Variants in KCNJ6 observed in about 807,000 individuals in gnomAD.
The protein encoded by KCNJ6 is G protein-activated inward rectifier potassium channel 2.
KCNJ6 carries 9 observed loss-of-function variants against 34.2 expected under a neutral mutation model. That is an observed-to-expected ratio of 0.26 (90% CI 0.16 to 0.46). The LOEUF (loss-of-function observed/expected upper bound fraction) is 0.46. Among genes scored for constraint, KCNJ6 ranks in the 20% least tolerant of loss-of-function variants. The probability of loss-of-function intolerance (pLI) is 1.00; values close to 1 mark genes in which losing one functional copy is unlikely to be tolerated. For missense variants in KCNJ6, 236 were observed against 531.3 expected (o/e 0.44, Z 5.46); for synonymous variants, 196 against 207.1 (o/e 0.95, Z 0.46).
chr21:37,781,195 G>A (rs531583901), intron 2 of KCNJ6, among the ~76,000 whole-genome samples: 2 of 152,320 alleles, frequency 1.3e-5, no homozygotes, highest in African/African-American at 2.4e-5. Context: ...GAGTCATGAC[G>A]GAAGCTTCTT....
chr21:37,889,924 C>T (rs1187749858), intron 1 of KCNJ6, among the ~76,000 whole-genome samples: 2 of 152,214 alleles, frequency 1.3e-5, no homozygotes, highest in African/African-American at 4.8e-5. Context: ...AGGTACCAGG[C>T]ATTAGGCCTT....
chr21:37,754,549 CTT>C (rs2055013980), intron 2 of KCNJ6, among the ~76,000 whole-genome samples: 2 of 152,158 alleles, frequency 1.3e-5, no homozygotes, highest in Admixed American at 1.3e-4. Flanking sequence ...CGTACTGTGT[CTT>C]TATTTCCTGT....
chr21:37,818,770 C>T (rs555446793), intron 2 of KCNJ6, among the ~76,000 whole-genome samples: 11 of 152,318 alleles, frequency 7.2e-5, no homozygotes, highest in African/African-American at 2.4e-4. Context: ...TCACCTTTCC[C>T]TCATCCTCTT....
chr21:37,863,448 T>G (rs188255240), intron 1 of KCNJ6, among the ~76,000 whole-genome samples: 130 of 152,322 alleles, frequency 8.5e-4, no homozygotes, highest in Non-Finnish European at 1.6e-3. Flanking sequence ...CAGAGAGACT[T>G]GAAAGGGCTG....
chr21:37,799,691 C>T (rs941106336), intron 2 of KCNJ6, among the ~76,000 whole-genome samples: 2 of 152,156 alleles, frequency 1.3e-5, no homozygotes, highest in Admixed American at 1.3e-4. Context: ...TAAGTTCTCT[C>T]GAAATGTTTG....
intron 1 of KCNJ6, among the ~76,000 whole-genome samples, chr21:37,865,083 C>T (rs932517807): frequency 2.6e-5 from 4 of 152,102 alleles, no homozygotes; most frequent in Non-Finnish European, 5.9e-5. Flanking sequence ...AGCTAGATCC[C>T]AAGTACCTCC....
intron 1 of KCNJ6, among the ~76,000 whole-genome samples, chr21:37,873,490 C>T (rs539879448): frequency 6.6e-6 from 1 of 152,284 alleles, no homozygotes; most frequent in South Asian, 2.1e-4. Flanking sequence ...CGTCCATTGA[C>T]CTGATCTCTT....
intron 2 of KCNJ6, among the ~76,000 whole-genome samples, chr21:37,756,446 G>A (rs1292883699): frequency 6.6e-6 from 1 of 152,228 alleles, no homozygotes; most frequent in Non-Finnish European, 1.5e-5. Context: ...TGGAAACAGA[G>A]GCGCAGTCTG....
intron 3 of KCNJ6, among the ~76,000 whole-genome samples, chr21:37,636,863 T>C (rs919385816): frequency 9.9e-5 from 15 of 152,284 alleles, no homozygotes; most frequent in African/African-American, 3.6e-4. Flanking sequence ...AGTCAATACA[T>C]AGACAATACA....
In KCNJ6 at chr21:37,614,077, T is replaced by A. The variant is rs1047450424; in HGVS notation, c.*11082A>T. 4 of 152,048 alleles carry A rather than the reference T, an allele frequency of 2.6e-5. No homozygotes were observed. Among genetic ancestry groups the A allele is most frequent in the African/African-American group, 7.3e-5 (3 of 41,378 alleles). The allele number at this position is 152,048 out of a possible 1,614,324, so 9.4% of individuals were successfully genotyped here. A position where few individuals can be genotyped will look rare whatever the true frequency, so the allele number is the denominator to read the frequency against. On this transcript the variant is annotated 3_prime_UTR_variant, in exon 4 of 4. Coordinates refer to ENST00000609713, the MANE Select transcript of KCNJ6 (RefSeq NM_002240.5). ...GTTAATGCTGCTCTAAAAAATAAAA[T>A]TTATCAAGTTTTTAAAAAAGGGGTG...
chr21:37,636,360 T>G (rs2054358112), intron 3 of KCNJ6, among the ~76,000 whole-genome samples: 1 of 152,258 alleles, frequency 6.6e-6, no homozygotes, highest in South Asian at 2.1e-4. Context: ...CTGCTTGATT[T>G]CCACAGTGTT....
chr21:37,806,266 T>G (rs1404637001), intron 2 of KCNJ6, among the ~76,000 whole-genome samples: 1 of 152,182 alleles, frequency 6.6e-6, no homozygotes, highest in Non-Finnish European at 1.5e-5. Context: ...CTTCAGATAT[T>G]TCAACTCTGA....
At chr21:37,915,498 C>G (rs1357602066) in intron 1 of KCNJ6, among the ~76,000 whole-genome samples, 1 of 152,198 alleles carries the variant, frequency 6.6e-6, no homozygotes, top group Non-Finnish European at 1.5e-5. Context: ...AGACAATAGG[C>G]TTTTCCCAAC....
intron 3 of KCNJ6, among the ~76,000 whole-genome samples, chr21:37,661,996 TTA>T (rs2054491807): frequency 6.6e-6 from 1 of 152,120 alleles, no homozygotes; most frequent in Non-Finnish European, 1.5e-5. Context: ...CTTAATATAT[TTA>T]TGTTTTGATC....
intron 3 of KCNJ6, among the ~76,000 whole-genome samples, chr21:37,632,956 T>C (rs755490471): frequency 2.0e-5 from 3 of 151,932 alleles, no homozygotes; most frequent in Non-Finnish European, 4.4e-5. Context: ...TCCTAGGAAA[T>C]AGAAGAATCA....
At chr21:37,911,364 T>G (rs1318962919) in intron 1 of KCNJ6, among the ~76,000 whole-genome samples, 1 of 152,192 alleles carries the variant, frequency 6.6e-6, no homozygotes, top group East Asian at 1.9e-4. Flanking sequence ...AACTGCCAAT[T>G]TCCCCCTTAC....
At chr21:37,833,235 G>C (rs1017064170) in intron 2 of KCNJ6, among the ~76,000 whole-genome samples, 2 of 151,948 alleles carry the variant, frequency 1.3e-5, no homozygotes, top group East Asian at 3.9e-4. Context: ...GGCTGGTCTC[G>C]AACTCCTGAC....
intron 2 of KCNJ6, among the ~76,000 whole-genome samples, chr21:37,724,042 G>A (rs1021570202): frequency 3.3e-5 from 5 of 152,176 alleles, no homozygotes; most frequent in African/African-American, 4.8e-5. Context: ...TGCGGTGTGC[G>A]TGGAGGAAAT....
chr21:37,842,301 G>A (rs1028814453), intron 1 of KCNJ6, among the ~76,000 whole-genome samples: 1 of 152,172 alleles, frequency 6.6e-6, no homozygotes, highest in African/African-American at 2.4e-5. Flanking sequence ...CACGGCCCTG[G>A]TACAATGCTG....
Sources: gnomAD v4.1 joint callset for allele counts (sites outside exome capture counted in the v4.1 genomes callset) on GRCh38, gnomAD v4.1.1 for gene constraint, MANE v1.5 for transcripts, NCBI Gene and HGNC (gene_info 2026-07-23, HGNC 2026-07-21) for gene names.